The following MAF variants were observed in gnomAD, a reference collection of about 807,000 sequenced individuals.
MAF encodes the protein MAF bZIP transcription factor.
In MAF, 10 loss-of-function variants were observed where a neutral mutation model predicts 22.0. The ratio of observed to expected loss-of-function variants is 0.45; its 90% confidence interval spans 0.28 to 0.77. MAF has a LOEUF of 0.77. Ranked by LOEUF, MAF falls within the 30% of genes least tolerant of loss-of-function variation. The pLI is 0.12. For missense variants in MAF, 544 were observed against 548.4 expected (o/e 0.99, Z 0.08); for synonymous variants, 337 against 255.8 (o/e 1.32, Z -3.03).
At chr16:79,287,922 C>G in the MAF span, among the ~76,000 whole-genome samples, 1 of 152,200 alleles carries the variant, frequency 6.6e-6, no homozygotes, top group African/African-American at 2.4e-5. Flanking sequence ...GCTAACCCTC[C>G]TCATCGTAGC....
chr16:79,539,228 G>C, the MAF span, among the ~76,000 whole-genome samples: 1,432 of 152,366 alleles, frequency 9.4e-3, 24 homozygotes, highest in African/African-American at 0.032. Flanking sequence ...ATTAGGCCAG[G>C]TGTGGTGGCT....
the MAF span, among the ~76,000 whole-genome samples, chr16:79,207,414 A>G: frequency 2.6e-5 from 4 of 152,356 alleles, no homozygotes; most frequent in South Asian, 2.1e-4. Flanking sequence ...GCCGTCTTCA[A>G]AAGGGCTGTT....
chr16:79,224,903 G>A, the MAF span, among the ~76,000 whole-genome samples: 1 of 152,186 alleles, frequency 6.6e-6, no homozygotes, highest in African/African-American at 2.4e-5. Flanking sequence ...CTCATGGGTA[G>A]GAAGAATCAA....
At chr16:79,435,414 C>T in the MAF span, among the ~76,000 whole-genome samples, 11 of 152,212 alleles carry the variant, frequency 7.2e-5, no homozygotes, top group Non-Finnish European at 2.9e-5. Context: ...AAAACAGGTA[C>T]CTTCTGTGGT....
chr16:79,313,130 G>A, the MAF span, among the ~76,000 whole-genome samples: 3 of 152,114 alleles, frequency 2.0e-5, no homozygotes, highest in Non-Finnish European at 2.9e-5. Context: ...TCTCACAAGC[G>A]TGCCACGAAG....
At chr16:79,269,636 G>A in the MAF span, among the ~76,000 whole-genome samples, 2 of 152,118 alleles carry the variant, frequency 1.3e-5, no homozygotes, top group Non-Finnish European at 1.5e-5. Context: ...GAACTTCAAG[G>A]GCAGGAGCAG....
chr16:79,500,467 G>A, the MAF span, among the ~76,000 whole-genome samples: 1 of 152,252 alleles, frequency 6.6e-6, no homozygotes, highest in South Asian at 2.1e-4. Context: ...GACACCATGT[G>A]TCATACCCCA....
the MAF span, among the ~76,000 whole-genome samples, chr16:79,369,513 G>A: frequency 6.6e-6 from 1 of 152,208 alleles, no homozygotes; most frequent in Non-Finnish European, 1.5e-5. Context: ...GAGAAAGGAG[G>A]TAGATTTTCA....
At chr16:79,457,276 A>G in the MAF span, among the ~76,000 whole-genome samples, 1 of 151,882 alleles carries the variant, frequency 6.6e-6, no homozygotes, top group Non-Finnish European at 1.5e-5. Flanking sequence ...TTCATGGGAG[A>G]TGTAAAAGAA....
At chr16:79,209,781 T>G in the MAF span, among the ~76,000 whole-genome samples, 9 of 152,248 alleles carry the variant, frequency 5.9e-5, no homozygotes, top group East Asian at 1.7e-3. Flanking sequence ...TTTCCCCACA[T>G]GGGATGCAGA....
At chr16:79,598,648 AG>A in intron 1 of MAF, 136 bp downstream of exon 1, 3 of 1,351,824 alleles carry the variant, frequency 2.2e-6, no homozygotes, top group Non-Finnish European at 2.9e-6. Context: ...TAGGGGGCCA[AG>A]GGGGCCAAAC....
the MAF span, among the ~76,000 whole-genome samples, chr16:79,562,038 A>T: frequency 6.6e-6 from 1 of 152,262 alleles, no homozygotes; most frequent in Non-Finnish European, 1.5e-5. Flanking sequence ...GGCAGCTATT[A>T]CCTCTTGTTG....
the MAF span, among the ~76,000 whole-genome samples, chr16:79,320,340 G>T: frequency 6.6e-6 from 1 of 152,194 alleles, no homozygotes; most frequent in South Asian, 2.1e-4. Context: ...AAGATACGGG[G>T]CTTCCTGAAA....
At chr16:79,515,739 G>A in the MAF span, among the ~76,000 whole-genome samples, 3 of 152,078 alleles carry the variant, frequency 2.0e-5, no homozygotes, top group East Asian at 1.9e-4. Context: ...GACCTGCCTT[G>A]ACCAGGAAGA....
At chr16:79,566,931 T>A in the MAF span, among the ~76,000 whole-genome samples, 1 of 152,218 alleles carries the variant, frequency 6.6e-6, no homozygotes, top group Non-Finnish European at 1.5e-5. Context: ...GAATCTTGAA[T>A]ACCTCTTAGG....
At chr16:79,473,156 G>T in the MAF span, among the ~76,000 whole-genome samples, 1 of 152,106 alleles carries the variant, frequency 6.6e-6, no homozygotes, top group African/African-American at 2.4e-5. Context: ...TCAGCGTAGG[G>T]ATAGTCCAGA....
the MAF span, among the ~76,000 whole-genome samples, chr16:79,576,495 G>T: frequency 6.6e-6 from 1 of 151,776 alleles, no homozygotes; most frequent in South Asian, 2.1e-4. Context: ...TTCCTAAATT[G>T]TTTGACCACA....
chr16:79,428,510 C>CAG, the MAF span, among the ~76,000 whole-genome samples: 4 of 152,040 alleles, frequency 2.6e-5, no homozygotes, highest in Non-Finnish European at 5.9e-5. Flanking sequence ...GACAGAGAGA[C>CAG]AGAGAGAGAG....
At chr16:79,253,277 C>T in the MAF span, among the ~76,000 whole-genome samples, 1 of 152,182 alleles carries the variant, frequency 6.6e-6, no homozygotes. Context: ...GTTCCCTCAG[C>T]CCCCAGCCTC....
Sources: gnomAD v4.1 joint callset for allele counts (sites outside exome capture counted in the v4.1 genomes callset) on GRCh38, gnomAD v4.1.1 for gene constraint, MANE v1.5 for transcripts, NCBI Gene and HGNC (gene_info 2026-07-23, HGNC 2026-07-21) for gene names.